The following EXOSC7 variants were observed in gnomAD, a reference collection of about 807,000 sequenced individuals.
EXOSC7 encodes the protein exosome complex component RRP42.
In EXOSC7, 25 loss-of-function variants were observed where a neutral mutation model predicts 34.3. The ratio of observed to expected loss-of-function variants is 0.73; its 90% confidence interval spans 0.53 to 1.02. The LOEUF (loss-of-function observed/expected upper bound fraction) is 1.02. Among genes scored for constraint, EXOSC7 ranks in the 50% least tolerant of loss-of-function variants. EXOSC7 has a pLI of 0.00. For missense variants in EXOSC7, 370 were observed against 368.5 expected, an observed-to-expected ratio of 1.00 and a Z score of -0.03; for synonymous variants, 130 against 143.0, an observed-to-expected ratio of 0.91 and a Z score of 0.65.
chr3:45,001,444 A>G, intron 4 of EXOSC7, 94 bp from the exon 5 acceptor site: 1 of 835,408 alleles, frequency 1.2e-6, no homozygotes. Context: ...CTCTGTCTCA[A>G]AAAAAAAAAA....
At chr3:44,976,639 T>G (rs2125956538) in intron 1 of EXOSC7, among the ~76,000 whole-genome samples, 1 of 152,274 alleles carries the variant, frequency 6.6e-6, no homozygotes, top group Non-Finnish European at 1.5e-5. Flanking sequence ...CCATTCGGCG[T>G]TCGCGCACAG....
At position 45,007,623 on chromosome 3, in the gene EXOSC7, T is replaced by C. The variant is rs1428891443; in HGVS notation, c.771+48T>C. 3.3e-6 allele frequency: 5 copies of C among 1,513,812 alleles called. No homozygotes were observed. In the South Asian group the frequency reaches 6.5e-5, roughly 20 times the overall value. The allele number at this position is 1,513,812 out of a possible 1,614,324, so 93.8% of individuals were successfully genotyped here. ...GGTGCAGGGACCTGGCCGGGGTGCC[T>C]GCTGCTTCCTGCTCCCTTGGTCATA... On this transcript the variant is annotated intron_variant, in intron 7 of 7. Transcript: ENST00000265564.
At chr3:44,995,383 C>T (rs750801226) in intron 3 of EXOSC7, among the ~76,000 whole-genome samples, 12 of 152,262 alleles carry the variant, frequency 7.9e-5, no homozygotes, top group Middle Eastern at 3.4e-3. Flanking sequence ...GTGCATTAAT[C>T]CCAAAGAAAT....
Position 44,997,155 on chromosome 3 carries a change from C to T in EXOSC7, c.323C>T (p.Thr108Ile). 1 of 1,614,050 alleles carries T rather than the reference C, an allele frequency of 6.2e-7. No individual in the cohort carries two copies. The highest frequency in any genetic ancestry group is 8.5e-7 in the Non-Finnish European group (1 of 1,179,966). Residue 108 changes from threonine to isoleucine, a missense_variant, in exon 4 of 8, where the codon ACC becomes ATC. By Grantham distance (89) the Thr-to-Ile change is moderately conservative. Transcript: ENST00000265564. Reference sequence around the variant, plus strand: ...GACCTTGGCACCGAGATCGCTAACACCCTCTATCGGATATTTAACAATAAA... The same window carrying T: ...GACCTTGGCACCGAGATCGCTAACATCCTCTATCGGATATTTAACAATAAA... ...GDDLGTEIAN[T>I]LYRIFNNKSS... is the part of the protein sequence containing the mutation.
At chr3:44,995,761 ATAAT>A (rs1275584983) in intron 3 of EXOSC7, among the ~76,000 whole-genome samples, 2 of 152,224 alleles carry the variant, frequency 1.3e-5, no homozygotes, top group African/African-American at 2.4e-5. Context: ...GGAGGAGTAC[ATAAT>A]TAGAGAGGCA....
chr3:45,012,104 A>G (rs1225042209), downstream of EXOSC7: 1 of 152,262 alleles, frequency 6.6e-6, no homozygotes, highest in African/African-American at 2.4e-5. Context: ...GGCTCTTCCT[A>G]TAAGCCTGTA....
Position 45,011,429 on chromosome 3 carries a change from C to T in EXOSC7, c.*90C>T, listed in dbSNP as rs905009241. 3.7e-6 allele frequency: 3 copies of T among 806,338 alleles called. No homozygotes were observed. The highest frequency in any genetic ancestry group is 6.1e-6 in the Non-Finnish European group (3 of 492,972). The allele number at this position is 806,338 out of a possible 1,614,324, so 49.9% of individuals were successfully genotyped here. On this transcript the variant is annotated 3_prime_UTR_variant, in exon 8 of 8. Transcript: ENST00000265564. ...ATTTTTCTTCGCTGTTACGAATTTACAGCAGCATTTGTACATGTAAAATTA... is the reference window on the plus strand; with the variant it reads ...ATTTTTCTTCGCTGTTACGAATTTATAGCAGCATTTGTACATGTAAAATTA...
At chr3:44,979,262 A>G (rs1463498763) in intron 1 of EXOSC7, among the ~76,000 whole-genome samples, 4 of 152,214 alleles carry the variant, frequency 2.6e-5, no homozygotes, top group African/African-American at 9.7e-5. Flanking sequence ...TGCGTTGGTT[A>G]TAGAGTGCCG....
At chr3:44,997,821 C>T (rs540310412) in intron 4 of EXOSC7, among the ~76,000 whole-genome samples, 52 of 152,240 alleles carry the variant, frequency 3.4e-4, no homozygotes, top group African/African-American at 1.3e-3. Context: ...GCCATTGTTT[C>T]TTTTAAACAC....
chr3:44,992,608 G>A (rs970004424), intron 3 of EXOSC7, among the ~76,000 whole-genome samples: 7 of 152,168 alleles, frequency 4.6e-5, no homozygotes, highest in Non-Finnish European at 1.0e-4. Context: ...TCACTAAACT[G>A]GGAGCAAAAT....
At chr3:44,979,709 T>G (rs1706225442) in intron 1 of EXOSC7, among the ~76,000 whole-genome samples, 1 of 152,176 alleles carries the variant, frequency 6.6e-6, no homozygotes, top group Non-Finnish European at 1.5e-5. Flanking sequence ...AGACCATTCC[T>G]TCTCGTTCAG....
chr3:44,989,718 G>A (rs1576009000), intron 3 of EXOSC7, 74 bp downstream of exon 3: 1 of 1,241,530 alleles, frequency 8.1e-7, no homozygotes, highest in Non-Finnish European at 1.1e-6. Flanking sequence ...TGAACCTCTG[G>A]TTTGCTGTTG....
chr3:44,976,405 G>C, intron 1 of EXOSC7, 71 bp downstream of exon 1: 1 of 1,385,688 alleles, frequency 7.2e-7, no homozygotes. Flanking sequence ...CCTGCCCTGG[G>C]TTTGCCAGTG....
intron 1 of EXOSC7, among the ~76,000 whole-genome samples, chr3:44,981,900 G>GAAA (rs1236736420): frequency 1.3e-5 from 2 of 152,042 alleles, no homozygotes; most frequent in African/African-American, 4.8e-5. Flanking sequence ...GAAAGAAAAA[G>GAAA]AAAAAAGAGA....
At chr3:44,991,904 T>C (rs1706584540) in intron 3 of EXOSC7, among the ~76,000 whole-genome samples, 1 of 152,138 alleles carries the variant, frequency 6.6e-6, no homozygotes, top group South Asian at 2.1e-4. Flanking sequence ...CTTTACCTTC[T>C]TTAAGTGGCT....
chr3:45,011,057 T>G (rs1442110057), intron 7 of EXOSC7, among the ~76,000 whole-genome samples, 178 bp from the exon 8 acceptor site: 1 of 152,224 alleles, frequency 6.6e-6, no homozygotes, highest in Non-Finnish European at 1.5e-5. Flanking sequence ...CAAAATTTAT[T>G]ATGTTGTTGG....
intron 6 of EXOSC7, among the ~76,000 whole-genome samples, chr3:45,006,690 A>G (rs533230361): frequency 1.2e-3 from 176 of 151,932 alleles, no homozygotes; most frequent in African/African-American, 4.1e-3. Flanking sequence ...TGCTGGGATT[A>G]CAGGCGTGAG....
intron 4 of EXOSC7, among the ~76,000 whole-genome samples, chr3:44,999,243 A>C (rs563351940): frequency 8.5e-5 from 13 of 152,248 alleles, no homozygotes; most frequent in Non-Finnish European, 1.0e-4. Context: ...GGGGATGGAT[A>C]CATGGTGCGC....
rs149150511 is a variant in EXOSC7 at position 45,010,387 on chromosome 3, A to G, written c.772-848A>G. Among the ~76,000 whole-genome samples the G allele has an allele frequency of 3.9e-3, 597 of 152,126 alleles. 4 individuals are homozygous for G. Among genetic ancestry groups the G allele is most frequent in the Non-Finnish European group, 5.6e-3 (378 of 68,008 alleles). On this transcript the variant is annotated intron_variant, in intron 7 of 7. Transcript: ENST00000265564. ...CTCAGCCCCCTGAGTAGCTGGGTCTACAGGCGCATACCACCATGCACAGCT... is the reference window on the plus strand; with the variant it reads ...CTCAGCCCCCTGAGTAGCTGGGTCTGCAGGCGCATACCACCATGCACAGCT...
Sources: gnomAD v4.1 joint callset for allele counts (sites outside exome capture counted in the v4.1 genomes callset) on GRCh38, gnomAD v4.1.1 for gene constraint, MANE v1.5 for transcripts, NCBI Gene and HGNC (gene_info 2026-07-23, HGNC 2026-07-21) for gene names.